TLK1: variants seen among roughly 807,000 people sequenced by gnomAD.
TLK1 encodes serine/threonine-protein kinase tousled-like 1.
TLK1 carries 24 observed loss-of-function variants against 105.3 expected under a neutral mutation model. The ratio of observed to expected loss-of-function variants is 0.23; its 90% CI spans 0.17 to 0.32. TLK1 has a LOEUF of 0.32. Ranked by LOEUF, TLK1 falls within the 10% of genes least tolerant of loss-of-function variation. The pLI, the probability that TLK1 is intolerant of heterozygous loss-of-function variation, is 1.00. For synonymous variants in TLK1, 321 were observed against 310.4 expected (o/e 1.03, Z -0.36); for missense variants, 558 against 910.5 (o/e 0.61, Z 4.98).
chr2:171,133,687 T>C (rs964109507), intron 1 of TLK1, among the ~76,000 whole-genome samples: 5 of 151,872 alleles, frequency 3.3e-5, no homozygotes, highest in East Asian at 1.9e-4. Flanking sequence ...TGTCTAACTA[T>C]GAACAATGAT....
At chr2:171,058,430 T>C (rs540172987) in intron 4 of TLK1, among the ~76,000 whole-genome samples, 20 of 152,214 alleles carry the variant, frequency 1.3e-4, no homozygotes, top group African/African-American at 4.3e-4. Flanking sequence ...AACTACTAAT[T>C]TCAGAAAAGC....
chr2:171,067,043 C>CAT, intron 3 of TLK1: 1 of 1,421,710 alleles, frequency 7.0e-7, no homozygotes, highest in Non-Finnish European at 9.3e-7. Context: ...TAACATACTC[C>CAT]TGTATCATAC....
At chr2:171,081,405 A>G (rs915033289) in intron 3 of TLK1, among the ~76,000 whole-genome samples, 1 of 152,226 alleles carries the variant, frequency 6.6e-6, no homozygotes, top group Non-Finnish European at 1.5e-5. Context: ...GCTCTTCATA[A>G]CACAAATGTC....
intron 1 of TLK1, among the ~76,000 whole-genome samples, chr2:171,218,051 A>C (rs1187684478): frequency 6.6e-6 from 1 of 152,184 alleles, no homozygotes; most frequent in Non-Finnish European, 1.5e-5. Context: ...CAGGAGATCA[A>C]GACCATCCTG....
chr2:171,124,319 T>C (rs901450452), intron 1 of TLK1, among the ~76,000 whole-genome samples: 2 of 152,234 alleles, frequency 1.3e-5, no homozygotes, highest in African/African-American at 4.8e-5. Flanking sequence ...CCTTGAAATC[T>C]TAGGTTAAAT....
At chr2:171,158,028 T>C (rs1692305698) in intron 1 of TLK1, among the ~76,000 whole-genome samples, 1 of 152,220 alleles carries the variant, frequency 6.6e-6, no homozygotes, top group South Asian at 2.1e-4. Flanking sequence ...CATGTATACC[T>C]GGAAAAGGTG....
At chr2:171,221,714 C>A (rs1016633995) in intron 1 of TLK1, among the ~76,000 whole-genome samples, 77 of 152,170 alleles carry the variant, frequency 5.1e-4, no homozygotes, top group African/African-American at 1.8e-3. Context: ...TTTGTTAGGA[C>A]CTTTCCTCCT....
At chr2:171,115,462 C>T (rs1258123950) in intron 2 of TLK1, among the ~76,000 whole-genome samples, 1 of 152,056 alleles carries the variant, frequency 6.6e-6, no homozygotes, top group Non-Finnish European at 1.5e-5. Flanking sequence ...CGTGAGCAAC[C>T]GTGCCCGGCC....
chr2:171,053,813 T>C lies in TLK1; in HGVS notation c.680A>G (p.Asn227Ser), dbSNP rs756067720. ...CTTCTTTTCCAGGTCCTGGATTTTA[T>C]TACTTTCTAATGCTGCTAATTTCAG... is the stretch of plus-strand genomic sequence containing the variant. ...TMLKLAALESNKIQDLEKKEG... is the reference protein window; with the variant it reads ...TMLKLAALESSKIQDLEKKEG... The change falls in exon 8 of 21, where the codon AAT becomes AGT. Residue 227 changes from asparagine to serine, a missense_variant. Physicochemically the swap from Asn to Ser is conservative, Grantham distance 46. Around this residue, in one of 5 missense-constraint regions of TLK1, gnomAD observed 196 missense variants for 239.3 expected, o/e 0.82. Coordinates refer to ENST00000431350, the MANE Select transcript of TLK1 (RefSeq NM_012290.5). The C allele has an allele frequency of 3.1e-6, 5 of 1,610,880 alleles. No homozygotes were observed. The highest frequency in any genetic ancestry group is 4.2e-6 in the Non-Finnish European group (5 of 1,178,500).
chr2:171,008,704 C>T (rs953439498), intron 14 of TLK1, among the ~76,000 whole-genome samples: 9 of 152,166 alleles, frequency 5.9e-5, no homozygotes, highest in African/African-American at 2.2e-4. Context: ...CCCAACAGAA[C>T]TGGCAATCAT....
At chr2:171,137,867 AT>A in intron 1 of TLK1, among the ~76,000 whole-genome samples, 1 of 151,820 alleles carries the variant, frequency 6.6e-6, no homozygotes, top group African/African-American at 2.4e-5. Context: ...ATAAAATAAA[AT>A]AAAAAAGTAA....
rs542135472 is a variant in TLK1 at position 171,064,476 on chromosome 2, G to C, written c.331-3320C>G. ...ACCAGGCCACCTATGTATTTGCTAAGGTATATAATGTGCACATATTAAACA... is the reference window on the plus strand; with the variant it reads ...ACCAGGCCACCTATGTATTTGCTAACGTATATAATGTGCACATATTAAACA... On this transcript the variant is annotated intron_variant, in intron 3 of 20. Transcript: ENST00000431350. Among the ~76,000 whole-genome samples the C allele has an allele frequency of 5.3e-5, 8 of 152,228 alleles. No individual in the cohort carries two copies. In the South Asian group the frequency reaches 1.7e-3, roughly 32 times the overall value.
chr2:171,028,907 G>T (rs1368262988), intron 11 of TLK1, among the ~76,000 whole-genome samples: 1 of 152,054 alleles, frequency 6.6e-6, no homozygotes, highest in African/African-American at 2.4e-5. Context: ...GTATGGTAAT[G>T]ACTAATTGCA....
intron 1 of TLK1, among the ~76,000 whole-genome samples, chr2:171,139,035 A>T (rs191395025): frequency 1.6e-3 from 245 of 152,316 alleles, no homozygotes; most frequent in Middle Eastern, 6.8e-3. Context: ...TTTTTATATT[A>T]AACTACTGCT....
chr2:171,001,338 G>A (rs1002462513), intron 18 of TLK1, among the ~76,000 whole-genome samples: 7 of 152,128 alleles, frequency 4.6e-5, no homozygotes, highest in African/African-American at 1.7e-4. Flanking sequence ...TGTGTTTGGG[G>A]ACTCATGGGC....
At chr2:171,063,088 G>A (rs1366202434) in intron 3 of TLK1, among the ~76,000 whole-genome samples, 1 of 152,150 alleles carries the variant, frequency 6.6e-6, no homozygotes, top group Non-Finnish European at 1.5e-5. Context: ...ACTCATGCCT[G>A]CAATCTCAGC....
intron 2 of TLK1, among the ~76,000 whole-genome samples, chr2:171,091,309 T>C (rs1454593637): frequency 6.6e-6 from 1 of 152,174 alleles, no homozygotes; most frequent in Non-Finnish European, 1.5e-5. Context: ...GAGGGAATAT[T>C]ATATTTCAAC....
chr2:171,095,366 C>T (rs997417105), intron 2 of TLK1, among the ~76,000 whole-genome samples: 3 of 151,782 alleles, frequency 2.0e-5, no homozygotes, highest in African/African-American at 7.3e-5. Flanking sequence ...ATTGACAAAT[C>T]TTTAGCAAGT....
At chr2:171,180,201 A>T (rs1019973633) in intron 1 of TLK1, among the ~76,000 whole-genome samples, 2 of 151,558 alleles carry the variant, frequency 1.3e-5, no homozygotes, top group African/African-American at 4.9e-5. Flanking sequence ...ACAGAGCGAG[A>T]GCGAGAGCGA....
Sources: gnomAD v4.1 joint callset for allele counts (sites outside exome capture counted in the v4.1 genomes callset) on GRCh38, gnomAD v4.1.1 for gene constraint, gnomAD v4.1.1 regional missense constraint, MANE v1.5 for transcripts, NCBI Gene and HGNC (gene_info 2026-07-23, HGNC 2026-07-21) for gene names.